Variants in IQSEC1 observed in about 807,000 individuals in gnomAD.
IQSEC1 encodes IQ motif and SEC7 domain-containing protein 1.
Under a neutral mutation model 91.0 loss-of-function variants are expected in IQSEC1, and 31 were observed. The ratio of observed to expected loss-of-function variants is 0.34; its 90% CI spans 0.26 to 0.46. IQSEC1 has a LOEUF of 0.46. Ranked by LOEUF, IQSEC1 falls within the 20% of genes least tolerant of loss-of-function variation. IQSEC1 has a pLI of 1.00. For missense variants in IQSEC1, 1,388 were observed against 1,575.6 expected, an observed-to-expected ratio of 0.88 and a Z score of 2.02; for synonymous variants, 699 against 662.6, an observed-to-expected ratio of 1.05 and a Z score of -0.84.
rs1292874871 is a variant in IQSEC1 at position 13,259,175 on chromosome 3, T to G, written c.272+23536A>C. On this transcript the variant is annotated intron_variant, in intron 1 of 15. Coordinates refer to the IQSEC1 transcript ENST00000648114. The surrounding 1 kb of genome is among the most constrained non-coding windows in gnomAD (Gnocchi z 4.6). ...CCCCACTGGGCCACACCGCTCCACC[T>G]CCACCACCCTCTGCCATGCAGGCCC... 6.6e-6 allele frequency among the ~76,000 whole-genome samples: 1 copy of G among 152,074 alleles called. No individual in the cohort carries two copies. Among genetic ancestry groups the G allele is most frequent in the Non-Finnish European group, 1.5e-5 (1 of 67,962 alleles).
chr3:13,257,572 C>T (rs1239558966), intron 1 of IQSEC1, among the ~76,000 whole-genome samples: 1 of 152,196 alleles, frequency 6.6e-6, no homozygotes, highest in Non-Finnish European at 1.5e-5. Context: ...AGACTCGGGA[C>T]ATCTTCCTCG....
At chr3:13,019,492 C>T (rs1289003027) in intron 1 of IQSEC1, among the ~76,000 whole-genome samples, 1 of 152,252 alleles carries the variant, frequency 6.6e-6, no homozygotes, top group Non-Finnish European at 1.5e-5. Context: ...CCGCCTTGGG[C>T]CACAGACCTG....
chr3:13,041,020 G>A (rs1010731648), intron 1 of IQSEC1, among the ~76,000 whole-genome samples: 3 of 152,118 alleles, frequency 2.0e-5, no homozygotes, highest in Non-Finnish European at 4.4e-5. Context: ...GGAAAGACAG[G>A]GGTCAGATCT....
intron 2 of IQSEC1, among the ~76,000 whole-genome samples, chr3:13,159,172 G>A (rs1707127765): frequency 6.6e-6 from 1 of 152,154 alleles, no homozygotes; most frequent in Admixed American, 6.6e-5. Flanking sequence ...GACTCACCCT[G>A]TAATCCCAAC....
At chr3:13,230,489 T>C (rs1694823813) in intron 1 of IQSEC1, among the ~76,000 whole-genome samples, 1 of 152,230 alleles carries the variant, frequency 6.6e-6, no homozygotes, top group South Asian at 2.1e-4. Context: ...ACAAACAAAA[T>C]GCTTTGAGCA....
intron 2 of IQSEC1, among the ~76,000 whole-genome samples, chr3:13,148,997 C>T (rs945221989): frequency 1.6e-4 from 24 of 152,240 alleles, no homozygotes; most frequent in Admixed American, 3.3e-4. Context: ...TGCTGGGCAG[C>T]GTCCTCTGGA....
At chr3:13,244,783 G>A (rs1695080570) in intron 1 of IQSEC1, among the ~76,000 whole-genome samples, 1 of 152,122 alleles carries the variant, frequency 6.6e-6, no homozygotes, top group South Asian at 2.1e-4. Context: ...AGACCTGCCA[G>A]CCATTGACCA....
intron 1 of IQSEC1, among the ~76,000 whole-genome samples, chr3:13,046,544 G>A (rs1255517871): frequency 1.3e-5 from 2 of 152,174 alleles, no homozygotes; most frequent in Non-Finnish European, 2.9e-5. Flanking sequence ...CCAGGGACAG[G>A]GCCTACGACC....
chr3:13,185,906 A>T lies in IQSEC1; in HGVS notation c.273-21773T>A, dbSNP rs370278002. The stretch of plus-strand genomic sequence containing the variant: ...TTCTCTTCATTCCTGTCCAGGGCAG[A>T]ACTGCTGCAGGGCACCTGCCCAAGG... On this transcript the variant is annotated intron_variant, in intron 1 of 15. Coordinates refer to the IQSEC1 transcript ENST00000648114. Among the ~76,000 whole-genome samples, 8 of 152,392 alleles carry T rather than the reference A, an allele frequency of 5.2e-5. 1 individual carries two copies. Among genetic ancestry groups the T allele is most frequent in the Admixed American group, 3.9e-4 (6 of 15,310 alleles).
At chr3:12,913,004 C>G (rs1208613022) in intron 9 of IQSEC1, among the ~76,000 whole-genome samples, 1 of 152,226 alleles carries the variant, frequency 6.6e-6, no homozygotes, top group South Asian at 2.1e-4. Flanking sequence ...GGATGTGCAG[C>G]GACAAGCGCT....
At chr3:13,138,712 G>A (rs1706751514) in intron 2 of IQSEC1, among the ~76,000 whole-genome samples, 1 of 152,020 alleles carries the variant, frequency 6.6e-6, no homozygotes, top group Non-Finnish European at 1.5e-5. Context: ...TCACCCCCAG[G>A]AAGGCCCCGT....
intron 1 of IQSEC1, among the ~76,000 whole-genome samples, chr3:13,011,703 T>G (rs765338007): frequency 1.3e-5 from 2 of 152,256 alleles, no homozygotes; most frequent in Non-Finnish European, 2.9e-5. Context: ...TGTGGGGGCC[T>G]CTGGCGTCAC....
Position 12,983,527 on chromosome 3 carries a change from C to T in IQSEC1, c.24-41662G>A, listed in dbSNP as rs941618731. On this transcript the variant is annotated intron_variant, in intron 1 of 13. Transcript: ENST00000613206. The surrounding 1 kb of genome is among the most constrained non-coding windows in gnomAD (Gnocchi z 4.3). ...AACTGCAGCCTGGCCTTCCTAGCCC[C>T]GAGACAGAGCGGCCAGGATGAAGTG... Among the ~76,000 whole-genome samples, 7 of 152,158 alleles carry T rather than the reference C, an allele frequency of 4.6e-5. No individual in the cohort carries two copies. The highest frequency in any genetic ancestry group is 1.4e-4 in the African/African-American group (6 of 41,430).
chr3:13,036,456 AT>A (rs1030568166), intron 1 of IQSEC1, among the ~76,000 whole-genome samples: 143 of 152,172 alleles, frequency 9.4e-4, no homozygotes, highest in African/African-American at 1.8e-3. Context: ...AACAAAAATA[AT>A]TTTTTTTAAA....
At chr3:13,071,563 A>C (rs1389623942) in intron 1 of IQSEC1, among the ~76,000 whole-genome samples, 1 of 152,212 alleles carries the variant, frequency 6.6e-6, no homozygotes, top group African/African-American at 2.4e-5. Flanking sequence ...ACGCTGGGAA[A>C]GGATTTACTA....
chr3:13,071,064 C>A (rs1030186635), intron 1 of IQSEC1, among the ~76,000 whole-genome samples: 5 of 151,966 alleles, frequency 3.3e-5, no homozygotes, highest in Admixed American at 2.6e-4. Context: ...TAAAATCATC[C>A]GGAAAATGAA....
rs140551717 is a variant in IQSEC1, at chr3:13,218,464, G to T, written c.273-54331C>A. Among the ~76,000 whole-genome samples, 257 of 152,354 alleles carry T rather than the reference G, an allele frequency of 1.7e-3. 1 individual carries two copies. The highest frequency in any genetic ancestry group is 2.5e-3 in the Non-Finnish European group (170 of 68,036). ...AAACTACTCGAACCATTCAAAAGGTGCTGCTCTCCAAGGCAACAGAGTCTT... is the reference window on the plus strand; with the variant it reads ...AAACTACTCGAACCATTCAAAAGGTTCTGCTCTCCAAGGCAACAGAGTCTT... On this transcript the variant is annotated intron_variant, in intron 1 of 15. Transcript: ENST00000648114.
Position 12,900,288 on chromosome 3 carries a change from T to G in IQSEC1, c.*695A>C, listed in dbSNP as rs572725505. On this transcript the variant is annotated 3_prime_UTR_variant, in exon 14 of 14. Coordinates refer to ENST00000613206, the MANE Select transcript of IQSEC1 (RefSeq NM_001134382.3). ...AGAGGGACTTCTTTGTATGAAAATA[T>G]GAAGTATCTGAATTTGTTCCTAGCA... The G allele has an allele frequency of 2.8e-5, 28 of 984,896 alleles. No individual in the cohort carries two copies. The Admixed American group carries it at 1.7e-3, about 61-fold the overall frequency. The allele number at this position is 984,896 out of a possible 1,614,324, so 61.0% of individuals were successfully genotyped here.
At chr3:13,067,097 T>C (rs1317929141) in intron 1 of IQSEC1, among the ~76,000 whole-genome samples, 2 of 152,132 alleles carry the variant, frequency 1.3e-5, no homozygotes, top group African/African-American at 4.8e-5. Context: ...GGGACAGAGC[T>C]GGAGTGGAGC....
Sources: gnomAD v4.1 joint callset for allele counts (sites outside exome capture counted in the v4.1 genomes callset) on GRCh38, gnomAD v4.1.1 for gene constraint, Gnocchi (gnomAD v3.1) non-coding constraint, MANE v1.5 for transcripts, NCBI Gene and HGNC (gene_info 2026-07-23, HGNC 2026-07-21) for gene names.